The following PRODH2 variants were observed in gnomAD, a reference collection of about 807,000 sequenced individuals.
PRODH2 encodes hydroxyproline dehydrogenase.
PRODH2 carries 49 observed loss-of-function variants against 51.9 expected under a neutral mutation model. That is an observed-to-expected ratio of 0.94 (90% confidence interval 0.75 to 1.20). The LOEUF (loss-of-function observed/expected upper bound fraction) is 1.20. PRODH2 is among the 50% of genes most tolerant of loss of function. The probability of loss-of-function intolerance (pLI) is 0.00; values close to 1 mark genes in which losing one functional copy is unlikely to be tolerated. For synonymous variants in PRODH2, 249 were observed against 260.7 expected (o/e 0.96, Z 0.43); for missense variants, 597 against 610.9 (o/e 0.98, Z 0.24).
Position 35,812,787 on chromosome 19 carries a change from C to A in PRODH2, c.19G>T (p.Val7Leu). The A allele has an allele frequency of 6.2e-7, 1 of 1,601,010 alleles. No homozygotes were observed. The highest frequency in any genetic ancestry group is 8.5e-7 in the Non-Finnish European group (1 of 1,172,130). Reference protein sequence around the residue: MLRTCYVLCSQAGPPSR... With the variant: MLRTCYLLCSQAGPPSR... The stretch of plus-strand genomic sequence containing the variant: ...GGGGGACCAGCTTGGGAACAGAGCA[C>A]GTAACAGGTCCGGAGCATCCTGGGT... Residue 7 changes from valine to leucine, a missense_variant, in exon 1 of 10, where the codon GTG becomes TTG. By Grantham distance (32) the Val-to-Leu change is conservative. Coordinates refer to ENST00000653904, the MANE Select transcript of PRODH2 (RefSeq NM_021232.2).
At chr19:35,806,053 G>A (rs919388323) in intron 7 of PRODH2, among the ~76,000 whole-genome samples, 1 of 149,518 alleles carries the variant, frequency 6.7e-6, no homozygotes, top group Non-Finnish European at 1.5e-5. Context: ...GCCACTGTAA[G>A]GATTTCTTTT....
At chr19:35,808,453 G>GA (rs1162259523) in intron 4 of PRODH2, among the ~76,000 whole-genome samples, 4 of 152,140 alleles carry the variant, frequency 2.6e-5, no homozygotes, top group Non-Finnish European at 5.9e-5. Context: ...GCATGGTGGG[G>GA]AGAATGCTGC....
At chr19:35,806,042 G>A (rs1972505623) in intron 7 of PRODH2, among the ~76,000 whole-genome samples, 2 of 151,822 alleles carry the variant, frequency 1.3e-5, no homozygotes, top group South Asian at 4.2e-4. Flanking sequence ...GGGGCTTAGA[G>A]GCCACTGTAA....
At chr19:35,808,346 T>C (rs1311980938) in intron 4 of PRODH2, among the ~76,000 whole-genome samples, 2 of 152,114 alleles carry the variant, frequency 1.3e-5, no homozygotes, top group African/African-American at 4.8e-5. Flanking sequence ...GCTGAAAGCT[T>C]TATTATATCC....
At chr19:35,807,225 G>GAATC in intron 4 of PRODH2, 104 bp from the exon 5 acceptor site, 25 of 1,107,282 alleles carry the variant, frequency 2.3e-5, no homozygotes, top group Non-Finnish European at 3.1e-5. Flanking sequence ...TATGAGCCTA[G>GAATC]AATCAGGGCT....
rs563948747 is a variant in PRODH2, at chr19:35,803,902, C to T, written c.1002-824G>A. 1.2e-4 allele frequency among the ~76,000 whole-genome samples: 18 copies of T among 152,310 alleles called. No homozygotes were observed. The East Asian group carries it at 1.5e-3, about 13-fold the overall frequency. ...CACCTTGCAAGCATGCTGCAGGCCA[C>T]GGGCCACGCTATGTATTTCACATCC... On this transcript the variant is annotated intron_variant, in intron 7 of 9. Coordinates refer to ENST00000653904, the MANE Select transcript of PRODH2 (RefSeq NM_021232.2).
chr19:35,810,146 T>C (rs1679518855), intron 4 of PRODH2, among the ~76,000 whole-genome samples: 1 of 143,686 alleles, frequency 7.0e-6, no homozygotes. Flanking sequence ...CAGGCGCTTG[T>C]AATCCCAGCT....
intron 4 of PRODH2, among the ~76,000 whole-genome samples, chr19:35,809,415 C>T (rs1229273697): frequency 6.6e-6 from 1 of 151,876 alleles, no homozygotes; most frequent in Non-Finnish European, 1.5e-5. Context: ...GATGAGATCT[C>T]ACTATGTTGC....
chr19:35,803,104 C>A (rs1229323720), intron 7 of PRODH2, 26 bp from the exon 8 acceptor site: 3 of 1,485,080 alleles, frequency 2.0e-6, no homozygotes, highest in Non-Finnish European at 1.8e-6. Flanking sequence ...CTGTTCAGCT[C>A]ACCTGGTGAG....
chr19:35,801,490 A>AAT (rs887139344), intron 9 of PRODH2, among the ~76,000 whole-genome samples: 1 of 152,040 alleles, frequency 6.6e-6, no homozygotes, highest in African/African-American at 2.4e-5. Flanking sequence ...AATAAAATAA[A>AAT]ATAAAAGAGA....
At position 35,800,215 on chromosome 19, in the gene PRODH2, G is replaced by T. The variant is rs775536512; in HGVS notation, c.1206C>A (p.Ala402=). ...CDHVSLALGQ[A]GYVVYKSIPY... ...GAATGGACTTATACACTACATAGCC[G>T]GCCTGCCCTGCAGGGAGAGTGGGTT... Residue 402 remains alanine (A), a synonymous_variant, in exon 10 of 10, where the codon GCC becomes GCA. Coordinates refer to ENST00000653904, the MANE Select transcript of PRODH2 (RefSeq NM_021232.2). The T allele has an allele frequency of 4.4e-5, 69 of 1,572,472 alleles. No individual in the cohort carries two copies. The highest frequency in any genetic ancestry group is 6.0e-5 in the Non-Finnish European group (69 of 1,158,792).
intron 7 of PRODH2, among the ~76,000 whole-genome samples, chr19:35,803,474 C>T (rs563268191): frequency 1.3e-5 from 2 of 152,270 alleles, no homozygotes; most frequent in African/African-American, 4.8e-5. Context: ...AGGCTGGACT[C>T]GAACTCCTGA....
chr19:35,800,752 G>A (rs1972409774), intron 9 of PRODH2, among the ~76,000 whole-genome samples: 1 of 152,044 alleles, frequency 6.6e-6, no homozygotes, highest in Admixed American at 6.6e-5. Context: ...GAGTGCAGTG[G>A]TGTGATCACG....
intron 4 of PRODH2, among the ~76,000 whole-genome samples, chr19:35,809,708 C>T (rs1382616499): frequency 6.6e-6 from 1 of 152,070 alleles, no homozygotes; most frequent in Non-Finnish European, 1.5e-5. Flanking sequence ...TGCCTGTAAT[C>T]CCAGCACTTT....
At chr19:35,806,863 G>A (rs74401868) in intron 5 of PRODH2, 33 bp from the exon 6 acceptor site, 66 of 1,565,590 alleles carry the variant, frequency 4.2e-5, no homozygotes, top group East Asian at 1.7e-4. Context: ...TCAGGGCCCC[G>A]GGTGTCCAGC....
chr19:35,809,986 C>A (rs1356948472), intron 4 of PRODH2, among the ~76,000 whole-genome samples: 43 of 15,376 alleles, frequency 2.8e-3, no homozygotes, highest in South Asian at 6.8e-3. Flanking sequence ...AAAAAAAAAA[C>A]GCTGGGCGTG....
chr19:35,805,083 A>C (rs1273315539), intron 7 of PRODH2, among the ~76,000 whole-genome samples: 2 of 152,130 alleles, frequency 1.3e-5, no homozygotes, highest in Non-Finnish European at 2.9e-5. Context: ...AGGAGGGAAC[A>C]GAAGGCAGCT....
intron 8 of PRODH2, 61 bp from the exon 9 acceptor site, chr19:35,802,337 C>T: frequency 3.5e-6 from 5 of 1,427,452 alleles, no homozygotes; most frequent in Non-Finnish European, 4.9e-6. Context: ...TAAAGTCAGC[C>T]ACTATGCACC....
intron 7 of PRODH2, among the ~76,000 whole-genome samples, chr19:35,803,947 GC>G (rs35737326): frequency 0.72 from 109,634 of 152,000 alleles, 43,001 homozygotes; most frequent in Non-Finnish European, 0.9. Flanking sequence ...CTTCCCTATC[GC>G]CCCCCAGACC....
Sources: allele counts gnomAD v4.1 joint callset (sites outside exome capture counted in the v4.1 genomes callset), GRCh38; gene constraint gnomAD v4.1.1; transcripts MANE v1.5; gene names NCBI Gene and HGNC (gene_info 2026-07-23, HGNC 2026-07-21).